The following THSD7A variants were observed in gnomAD, a reference collection of about 807,000 sequenced individuals.
THSD7A encodes the protein thrombospondin type-1 domain-containing protein 7A.
THSD7A carries 96 observed loss-of-function variants against 231.3 expected under a neutral mutation model. The observed-to-expected ratio is 0.41, with a 90% CI of 0.35 to 0.49. The LOEUF (loss-of-function observed/expected upper bound fraction) is 0.49, where lower values mean the gene tolerates loss of function less well. THSD7A is among the 20% of genes least tolerant of loss of function. The pLI, the probability that THSD7A is intolerant of heterozygous loss-of-function variation, is 0.05. For missense variants in THSD7A, 2,290 were observed against 2,070.2 expected, an observed-to-expected ratio of 1.11 and a Z score of -2.06; for synonymous variants, 940 against 743.3, an observed-to-expected ratio of 1.26 and a Z score of -4.30.
At chr7:11,610,954 G>A (rs1249529548) in intron 2 of THSD7A, among the ~76,000 whole-genome samples, 2 of 152,104 alleles carry the variant, frequency 1.3e-5, no homozygotes, top group African/African-American at 4.8e-5. Flanking sequence ...TTACAAGGAA[G>A]AGGATGCCGA....
chr7:11,773,438 G>C (rs925008086), intron 1 of THSD7A, among the ~76,000 whole-genome samples: 9 of 152,236 alleles, frequency 5.9e-5, no homozygotes, highest in African/African-American at 1.9e-4. Context: ...GCTGAGGCAG[G>C]AGAATTGCTT....
At chr7:11,389,617 T>G (rs1385759998) in intron 23 of THSD7A, among the ~76,000 whole-genome samples, 5 of 152,014 alleles carry the variant, frequency 3.3e-5, no homozygotes, top group African/African-American at 1.2e-4. Context: ...TTTAGCCCAT[T>G]TACATTTAAG....
rs146556352 is a variant in THSD7A at position 11,522,366 on chromosome 7, T to G, written c.1822+19053A>C. 1.4e-3 allele frequency among the ~76,000 whole-genome samples: 212 copies of G among 152,322 alleles called. 1 individual carries two copies. The highest frequency in any genetic ancestry group is 4.8e-3 in the African/African-American group (201 of 41,576). On this transcript the variant is annotated intron_variant, in intron 6 of 27. Transcript: ENST00000423059. ...AGGAAATAGTGGAAATCAATATAAC[T>G]TAAAATGTTCTTTGGGTAAATATTT...
At chr7:11,493,458 T>C (rs1309718637) in intron 6 of THSD7A, among the ~76,000 whole-genome samples, 1 of 152,078 alleles carries the variant, frequency 6.6e-6, no homozygotes, top group Non-Finnish European at 1.5e-5. Context: ...ACTACTCAAT[T>C]GGATGGACAG....
chr7:11,751,727 G>A (rs1212480810), intron 1 of THSD7A, among the ~76,000 whole-genome samples: 4 of 151,876 alleles, frequency 2.6e-5, no homozygotes, highest in Non-Finnish European at 4.4e-5. Flanking sequence ...ACGGTACACT[G>A]GATAGCCTTA....
rs1232476443 is a variant in THSD7A at position 11,377,856 on chromosome 7, ATAT to A, written c.4802-1202_4802-1200del. The A allele has an allele frequency of 6.6e-6, 1 of 152,064 alleles. No individual in the cohort carries two copies. Among genetic ancestry groups the A allele is most frequent in the Non-Finnish European group, 1.5e-5 (1 of 67,996 alleles). 9.4% of individuals were successfully genotyped at this position (152,064 alleles called of 1,614,324 possible). On this transcript the variant is annotated intron_variant, in intron 26 of 27. Transcript: ENST00000423059. The surrounding 1 kb of genome is among the most constrained non-coding windows in gnomAD (Gnocchi z 4.5). ...TATAAAATTTAAAATAATGACAATA[ATAT>A]TCTTTTTTTTTTCAAAAGGACTGGT...
chr7:11,672,492 C>G (rs929576647), intron 1 of THSD7A, among the ~76,000 whole-genome samples: 1 of 151,190 alleles, frequency 6.6e-6, no homozygotes, highest in African/African-American at 2.5e-5. Flanking sequence ...AATTATTACT[C>G]ATTCTATTAT....
chr7:11,561,948 C>T (rs1790095673), intron 4 of THSD7A, among the ~76,000 whole-genome samples: 1 of 152,178 alleles, frequency 6.6e-6, no homozygotes, highest in Non-Finnish European at 1.5e-5. Context: ...AGCTGACTTA[C>T]CCACTATGCT....
intron 1 of THSD7A, among the ~76,000 whole-genome samples, chr7:11,683,784 T>G (rs991066500): frequency 1.3e-5 from 2 of 152,000 alleles, no homozygotes; most frequent in African/African-American, 4.8e-5. Flanking sequence ...AGGCAAATTC[T>G]ACCAGATGTA....
At chr7:11,438,105 A>T (rs891354325) in intron 13 of THSD7A, among the ~76,000 whole-genome samples, 9 of 151,964 alleles carry the variant, frequency 5.9e-5, no homozygotes, top group African/African-American at 2.2e-4. Flanking sequence ...GCCCTGAGTG[A>T]TACAAAACAG....
chr7:11,413,110 GTAT>G (rs1021982899), intron 17 of THSD7A, among the ~76,000 whole-genome samples: 1 of 151,160 alleles, frequency 6.6e-6, no homozygotes, highest in African/African-American at 2.4e-5. Flanking sequence ...AGTTATATGT[GTAT>G]TATTATATAT....
rs761841418 is a variant in THSD7A, at chr7:11,546,202, G to GCGCGCGCACACACACACACACACACACA, written c.1454-3086_1454-3085insTGTGTGTGTGTGTGTGTGTGTGCGCGCG. Among the ~76,000 whole-genome samples the GCGCGCGCACACACACACACACACACACA allele has an allele frequency of 2.3e-4, 30 of 129,444 alleles. 1 individual carries two copies. The highest frequency in any genetic ancestry group is 5.2e-4 in the Admixed American group (6 of 11,576). 84.9% of individuals were successfully genotyped at this position (129,444 alleles called of 152,430 possible). On this transcript the variant is annotated intron_variant, in intron 4 of 27. Coordinates refer to ENST00000423059, the MANE Select transcript of THSD7A (RefSeq NM_015204.3). ...TCTGTTGTTGCTGGTGTGGGCGCGCGCTCACACACACACACACACACACAC... is the reference window on the plus strand; with the variant it reads ...TCTGTTGTTGCTGGTGTGGGCGCGCGCGCGCGCACACACACACACACACACACACTCACACACACACACACACACACAC...
At chr7:11,423,062 CTT>C (rs1192081381) in intron 16 of THSD7A, among the ~76,000 whole-genome samples, 1 of 152,070 alleles carries the variant, frequency 6.6e-6, no homozygotes, top group Non-Finnish European at 1.5e-5. Flanking sequence ...AACAGAATCT[CTT>C]TTTCTGTGTC....
chr7:11,479,199 G>A (rs1341771847), intron 7 of THSD7A, among the ~76,000 whole-genome samples: 2 of 152,198 alleles, frequency 1.3e-5, no homozygotes, highest in Non-Finnish European at 1.5e-5. Context: ...TGTCTGGGCT[G>A]TCCATTACTG....
chr7:11,623,890 G>A (rs1000988926), intron 2 of THSD7A, among the ~76,000 whole-genome samples: 3 of 152,138 alleles, frequency 2.0e-5, no homozygotes, highest in African/African-American at 4.8e-5. Context: ...TATTGAGGAC[G>A]TGGGACTCCA....
At chr7:11,596,955 C>T (rs1780383837) in intron 2 of THSD7A, among the ~76,000 whole-genome samples, 1 of 152,232 alleles carries the variant, frequency 6.6e-6, no homozygotes, top group African/African-American at 2.4e-5. Context: ...CTTTACTGTC[C>T]TACCTCAGGG....
At chr7:11,611,827 C>CT (rs2128349172) in intron 2 of THSD7A, among the ~76,000 whole-genome samples, 3 of 135,228 alleles carry the variant, frequency 2.2e-5, no homozygotes, top group East Asian at 2.3e-4. Flanking sequence ...CACACACACA[C>CT]ACACTATCAT....
At chr7:11,510,534 T>C (rs186410626) in intron 6 of THSD7A, among the ~76,000 whole-genome samples, 29 of 152,242 alleles carry the variant, frequency 1.9e-4, no homozygotes, top group African/African-American at 6.5e-4. Context: ...AATAAAATAC[T>C]GGCAAACCGA....
intron 1 of THSD7A, among the ~76,000 whole-genome samples, chr7:11,733,154 T>C (rs116602562): frequency 0.017 from 2,543 of 151,910 alleles, 81 homozygotes; most frequent in African/African-American, 0.059. Flanking sequence ...GGTCCTGTCC[T>C]GTAATAAAAA....
Sources: allele counts gnomAD v4.1 joint callset (sites outside exome capture counted in the v4.1 genomes callset), GRCh38; gene constraint gnomAD v4.1.1; non-coding constraint Gnocchi (gnomAD v3.1); transcripts MANE v1.5; gene names NCBI Gene and HGNC (gene_info 2026-07-23, HGNC 2026-07-21).